The following LMNTD1 variants were observed in gnomAD, a reference collection of about 807,000 sequenced individuals.
LMNTD1 encodes lamin tail domain-containing protein 1.
A neutral mutation model predicts 50.9 loss-of-function variants in LMNTD1; 35 were observed. The ratio of observed to expected loss-of-function variants is 0.69; its 90% CI spans 0.53 to 0.91. LMNTD1 has a LOEUF of 0.91. Ranked by LOEUF, LMNTD1 falls within the 40% of genes least tolerant of loss-of-function variation. LMNTD1 has a pLI of 0.00. For synonymous variants in LMNTD1, 153 were observed against 161.9 expected (o/e 0.94, Z 0.42); for missense variants, 470 against 475.5 (o/e 0.99, Z 0.11).
chr12:25,560,807 G>T (rs575348180), intron 1 of LMNTD1, among the ~76,000 whole-genome samples: 1 of 152,262 alleles, frequency 6.6e-6, no homozygotes, highest in South Asian at 2.1e-4. Context: ...GTGAATGGGA[G>T]TTCACTCATG....
At chr12:25,627,760 G>T (rs904950783) in intron 1 of LMNTD1, among the ~76,000 whole-genome samples, 1 of 152,142 alleles carries the variant, frequency 6.6e-6, no homozygotes, top group Non-Finnish European at 1.5e-5. Flanking sequence ...TCATGAACAT[G>T]AATTAAATTA....
At chr12:25,534,255 T>C (rs1179123054) in intron 4 of LMNTD1, among the ~76,000 whole-genome samples, 1 of 152,180 alleles carries the variant, frequency 6.6e-6, no homozygotes, top group Non-Finnish European at 1.5e-5. Context: ...AGAATCAGCT[T>C]CTGTTTCCAG....
chr12:25,568,240 T>C (rs1225524721), intron 1 of LMNTD1, among the ~76,000 whole-genome samples: 1 of 152,174 alleles, frequency 6.6e-6, no homozygotes, highest in Non-Finnish European at 1.5e-5. Context: ...AACTTAAGAG[T>C]GATGACTTAG....
chr12:25,534,333 A>G (rs934478175), intron 4 of LMNTD1, among the ~76,000 whole-genome samples: 1 of 152,230 alleles, frequency 6.6e-6, no homozygotes, highest in Non-Finnish European at 1.5e-5. Flanking sequence ...GGAAAAATAT[A>G]TGAAACAATA....
intron 6 of LMNTD1, among the ~76,000 whole-genome samples, chr12:25,523,997 G>T (rs183562036): frequency 1.6e-3 from 243 of 152,234 alleles, no homozygotes; most frequent in African/African-American, 5.6e-3. Context: ...AGTGTGGCTA[G>T]AACAGAGTGC....
At chr12:25,547,715 A>T (rs1943516605) in intron 3 of LMNTD1, among the ~76,000 whole-genome samples, 2 of 151,864 alleles carry the variant, frequency 1.3e-5, no homozygotes, top group Admixed American at 6.6e-5. Context: ...TTGGGGAAGG[A>T]TAATATACAG....
Position 25,562,835 on chromosome 12 carries a change from C to G in LMNTD1, c.59-16281G>C, listed in dbSNP as rs1030143328. On this transcript the variant is annotated intron_variant, in intron 1 of 7. Transcript: ENST00000445693. ...TATTTCTTGGAGGCTTTGCTCATTT[C>G]TTTTTACTCTTTTTTCTCTAAACTT... 2.0e-5 allele frequency among the ~76,000 whole-genome samples: 3 copies of G among 152,310 alleles called. No individual in the cohort carries two copies. In the East Asian group the frequency reaches 5.8e-4, roughly 29 times the overall value.
chr12:25,520,674 T>C (rs996436457), intron 6 of LMNTD1, among the ~76,000 whole-genome samples: 3 of 152,218 alleles, frequency 2.0e-5, no homozygotes, highest in African/African-American at 7.2e-5. Flanking sequence ...GCTGTGCAGA[T>C]ACCTTTCCAA....
intron 1 of LMNTD1, among the ~76,000 whole-genome samples, chr12:25,597,435 G>C (rs923898602): frequency 3.3e-5 from 5 of 152,046 alleles, no homozygotes; most frequent in African/African-American, 1.2e-4. Context: ...TGATAAAGCT[G>C]TCAATTCAGC....
intron 4 of LMNTD1, among the ~76,000 whole-genome samples, chr12:25,542,751 G>GGA (rs558745499): frequency 1.0e-4 from 15 of 144,474 alleles, no homozygotes; most frequent in Admixed American, 1.0e-3. Flanking sequence ...AAAAAAAGAA[G>GGA]AAAAAAAAAG....
At chr12:25,483,786 A>G (rs370934424) in intron 9 of LMNTD1, among the ~76,000 whole-genome samples, 1 of 144,974 alleles carries the variant, frequency 6.9e-6, no homozygotes, top group East Asian at 2.0e-4. Flanking sequence ...AAAAAAAAAA[A>G]AGAATGCATA....
intron 4 of LMNTD1, among the ~76,000 whole-genome samples, chr12:25,530,645 T>C (rs564426263): frequency 6.6e-6 from 1 of 152,346 alleles, no homozygotes; most frequent in African/African-American, 2.4e-5. Flanking sequence ...TTTTAATTTA[T>C]ATTGTTTTAG....
chr12:25,578,637 C>G (rs1261257342), intron 1 of LMNTD1, among the ~76,000 whole-genome samples: 1 of 152,180 alleles, frequency 6.6e-6, no homozygotes, highest in African/African-American at 2.4e-5. Flanking sequence ...TGAACCAAAA[C>G]TTGGCAATTC....
At chr12:25,536,932 G>A (rs1322367220) in intron 4 of LMNTD1, among the ~76,000 whole-genome samples, 3 of 148,808 alleles carry the variant, frequency 2.0e-5, no homozygotes, top group Non-Finnish European at 4.5e-5. Flanking sequence ...AAGGGGTCAG[G>A]GAGTTCCCTT....
At chr12:25,646,290 C>T (rs1440070870) in intron 1 of LMNTD1, among the ~76,000 whole-genome samples, 1 of 151,828 alleles carries the variant, frequency 6.6e-6, no homozygotes, top group African/African-American at 2.4e-5. Context: ...CAAAACCATC[C>T]TAGTCTTTAC....
intron 4 of LMNTD1, among the ~76,000 whole-genome samples, chr12:25,537,735 C>T (rs553274044): frequency 2.7e-4 from 41 of 152,262 alleles, no homozygotes; most frequent in Non-Finnish European, 4.9e-4. Context: ...ATGACTTTGA[C>T]GAGCTGAGAG....
intron 4 of LMNTD1, among the ~76,000 whole-genome samples, chr12:25,531,084 GA>G (rs1410864826): frequency 6.6e-6 from 1 of 152,150 alleles, no homozygotes; most frequent in Non-Finnish European, 1.5e-5. Flanking sequence ...ACTGCATGCT[GA>G]CAGTTAGTAA....
rs1034318678 is a variant in LMNTD1, at chr12:25,482,529, C to T, written c.*23-6069G>A. Among the ~76,000 whole-genome samples, 43 of 152,088 alleles carry T rather than the reference C, an allele frequency of 2.8e-4. 1 individual carries two copies. The highest frequency in any genetic ancestry group is 9.7e-4 in the African/African-American group (40 of 41,370). On this transcript the variant is annotated intron_variant, in intron 9 of 9. Coordinates refer to ENST00000458174, the MANE Select transcript of LMNTD1 (RefSeq NM_001145728.2). ...CAATGAATTGGGGATGTCTCTTTTCCTTTGAACAAAATCAGCTAAATTTTG... is the reference window on the plus strand; with the variant it reads ...CAATGAATTGGGGATGTCTCTTTTCTTTTGAACAAAATCAGCTAAATTTTG...
intron 8 of LMNTD1, among the ~76,000 whole-genome samples, chr12:25,516,659 C>T (rs952223247): frequency 2.0e-5 from 3 of 151,944 alleles, no homozygotes; most frequent in African/African-American, 7.2e-5. Flanking sequence ...CATATCTTTA[C>T]AGATGAGGAA....
Sources: gnomAD v4.1 joint callset for allele counts (sites outside exome capture counted in the v4.1 genomes callset) on GRCh38, gnomAD v4.1.1 for gene constraint, MANE v1.5 for transcripts, NCBI Gene and HGNC (gene_info 2026-07-23, HGNC 2026-07-21) for gene names.